The following UBR1 variants were observed in gnomAD, a reference collection of about 807,000 sequenced individuals.
The protein encoded by UBR1 is E3 ubiquitin-protein ligase UBR1.
UBR1 carries 102 observed loss-of-function variants against 242.1 expected under a neutral mutation model. The observed-to-expected ratio is 0.42, with a 90% CI of 0.36 to 0.50. UBR1 has a LOEUF of 0.50. UBR1 is among the 20% of genes least tolerant of loss of function. The pLI is 0.01. For missense variants in UBR1, 1,772 were observed against 2,101.8 expected (o/e 0.84, Z 3.07); for synonymous variants, 675 against 684.8 (o/e 0.99, Z 0.22).
In UBR1 at chr15:43,015,509, A is replaced by G. The variant is rs1048257084; in HGVS notation, c.3209+179T>C. On this transcript the variant is annotated intron_variant, in intron 29 of 46. Transcript: ENST00000290650. The stretch of plus-strand genomic sequence containing the variant: ...TACCCAGGGTCACAAACACTGCGGA[A>G]GGCCGCAGGGTCCTCTGCCTAGGAA... The G allele has an allele frequency of 6.6e-6, 4 of 608,074 alleles. No homozygotes were observed. In the Admixed American group the frequency reaches 7.8e-5, roughly 12 times the overall value. 37.7% of individuals were successfully genotyped at this position (608,074 alleles called of 1,614,324 possible).
chr15:43,014,250 C>A (rs1326603984), intron 29 of UBR1, among the ~76,000 whole-genome samples: 2 of 152,220 alleles, frequency 1.3e-5, no homozygotes, highest in African/African-American at 2.4e-5. Context: ...ACCTCCCAGC[C>A]GCCTGCCTTG....
At chr15:43,076,872 C>T (rs1380380934) in intron 3 of UBR1, among the ~76,000 whole-genome samples, 2 of 79,216 alleles carry the variant, frequency 2.5e-5, no homozygotes, top group African/African-American at 4.2e-5. Context: ...CCCCTCTGCC[C>T]GGCCAGCCGC....
chr15:42,956,183 G>A (rs2031917149), intron 44 of UBR1, among the ~76,000 whole-genome samples: 1 of 152,120 alleles, frequency 6.6e-6, no homozygotes, highest in South Asian at 2.1e-4. Flanking sequence ...GTAAGATTTT[G>A]TTTAATAACG....
At chr15:43,100,592 T>C (rs1336595238) in intron 1 of UBR1, among the ~76,000 whole-genome samples, 2 of 151,948 alleles carry the variant, frequency 1.3e-5, no homozygotes, top group Non-Finnish European at 2.9e-5. Flanking sequence ...ATCCCAGCAG[T>C]TTGGGAGGCT....
intron 37 of UBR1, among the ~76,000 whole-genome samples, chr15:42,978,895 T>C (rs1347296517): frequency 2.1e-5 from 3 of 145,766 alleles, no homozygotes; most frequent in Non-Finnish European, 4.5e-5. Context: ...CGCCCGGCTT[T>C]TTTTTTTTTT....
At chr15:43,079,551 G>A (rs1187521231) in intron 3 of UBR1, among the ~76,000 whole-genome samples, 2 of 151,890 alleles carry the variant, frequency 1.3e-5, no homozygotes, top group Non-Finnish European at 2.9e-5. Flanking sequence ...AGGACGAGGC[G>A]GGTGGATCAT....
Position 42,990,076 on chromosome 15 carries a change from A to G in UBR1, c.3802T>C (p.Ser1268Pro). Reference protein sequence around the residue: ...PIFFNQGMGDSTLEFHSILSF... With the variant: ...PIFFNQGMGDPTLEFHSILSF... ...AGGATGGAATGGAACTCCAAAGTAG[A>G]ATCTCCCATTCCTTGATTAAAGAAA... Residue 1268 changes from serine to proline, a missense_variant, in exon 34 of 47, where the codon TCT becomes CCT. Physicochemically the swap from Ser to Pro is moderately conservative, Grantham distance 74. This residue lies in a region of UBR1 where 965 missense variants were observed against 1,079.7 expected (regional missense o/e 0.89). Transcript: ENST00000290650. The G allele has an allele frequency of 6.2e-7, 1 of 1,608,614 alleles. No homozygotes were observed. The highest frequency in any genetic ancestry group is 8.5e-7 in the Non-Finnish European group (1 of 1,176,848).
intron 12 of UBR1, 71 bp from the exon 13 acceptor site, chr15:43,048,562 T>C (rs1276387065): frequency 2.5e-6 from 3 of 1,185,490 alleles, no homozygotes; most frequent in Non-Finnish European, 2.4e-6. Context: ...CTCAGGGTTA[T>C]AGACAATGTT....
intron 40 of UBR1, among the ~76,000 whole-genome samples, chr15:42,968,724 A>G (rs992775876): frequency 2.0e-5 from 3 of 152,112 alleles, no homozygotes; most frequent in African/African-American, 7.2e-5. Flanking sequence ...CCCTGTGCCC[A>G]TATGTTCTCA....
intron 46 of UBR1, among the ~76,000 whole-genome samples, chr15:42,946,105 G>A (rs1238678569): frequency 1.3e-5 from 2 of 152,082 alleles, no homozygotes; most frequent in Admixed American, 6.6e-5. Context: ...TCTCTCAGCT[G>A]GTTGGGGATT....
intron 24 of UBR1, 110 bp downstream of exon 24, chr15:43,025,271 C>A: frequency 9.2e-7 from 1 of 1,083,834 alleles, no homozygotes. Flanking sequence ...TTTGCACTTC[C>A]TTGAGTTGCC....
chr15:42,996,885 T>G (rs2032649111), intron 33 of UBR1, among the ~76,000 whole-genome samples: 1 of 152,172 alleles, frequency 6.6e-6, no homozygotes, highest in African/African-American at 2.4e-5. Flanking sequence ...ATGGTTTTCA[T>G]CAATTTTAGA....
At chr15:43,087,277 C>T (rs1414599631) in intron 1 of UBR1, among the ~76,000 whole-genome samples, 1 of 151,906 alleles carries the variant, frequency 6.6e-6, no homozygotes, top group Non-Finnish European at 1.5e-5. Context: ...TGCTGGCGGG[C>T]GCCTGTAGTC....
At chr15:43,023,783 G>A (rs1359013444) in intron 25 of UBR1, among the ~76,000 whole-genome samples, 1 of 151,900 alleles carries the variant, frequency 6.6e-6, no homozygotes, top group African/African-American at 2.4e-5. Context: ...AAAGTAAACT[G>A]GTATAACATT....
intron 12 of UBR1, among the ~76,000 whole-genome samples, 196 bp from the exon 13 acceptor site, chr15:43,048,687 G>C (rs1323040162): frequency 6.6e-6 from 1 of 152,264 alleles, no homozygotes; most frequent in South Asian, 2.1e-4. Flanking sequence ...GAATGCTCTA[G>C]AAGAGGCAGA....
At chr15:43,079,737 G>C (rs2033953856) in intron 3 of UBR1, among the ~76,000 whole-genome samples, 1 of 152,100 alleles carries the variant, frequency 6.6e-6, no homozygotes, top group African/African-American at 2.4e-5. Context: ...AGCTGAGATC[G>C]TGCCACTGCA....
chr15:43,003,699 A>C, intron 31 of UBR1, 138 bp downstream of exon 31: 1 of 841,640 alleles, frequency 1.2e-6, no homozygotes, highest in East Asian at 2.5e-5. Flanking sequence ...ATGCAAACAG[A>C]ATTAGTAATT....
chr15:43,025,639 G>C (rs2033168869), intron 23 of UBR1: 2 of 538,788 alleles, frequency 3.7e-6, no homozygotes, highest in East Asian at 6.4e-5. Flanking sequence ...CAAAAACTTA[G>C]TCTCCATTAT....
At chr15:43,067,003 T>A (rs1007459841) in intron 6 of UBR1, among the ~76,000 whole-genome samples, 2 of 152,206 alleles carry the variant, frequency 1.3e-5, no homozygotes, top group South Asian at 4.1e-4. Context: ...AGAATTCTTA[T>A]GTACTCAGAA....
Sources: gnomAD v4.1 joint callset for allele counts (sites outside exome capture counted in the v4.1 genomes callset) on GRCh38, gnomAD v4.1.1 for gene constraint, gnomAD v4.1.1 regional missense constraint, MANE v1.5 for transcripts, NCBI Gene and HGNC (gene_info 2026-07-23, HGNC 2026-07-21) for gene names.